The following RPS6KA2 variants were observed in gnomAD, a reference collection of about 807,000 sequenced individuals.
RPS6KA2 encodes the protein ribosomal protein S6 kinase alpha-2.
A neutral mutation model predicts 91.8 loss-of-function variants in RPS6KA2; 42 were observed. That is an observed-to-expected ratio of 0.46 (90% CI 0.36 to 0.59). The LOEUF is 0.59. Ranked by LOEUF, RPS6KA2 falls within the 20% of genes least tolerant of loss-of-function variation. The pLI, the probability that RPS6KA2 is intolerant of heterozygous loss-of-function variation, is 0.00. For missense variants in RPS6KA2, 798 were observed against 978.5 expected, an observed-to-expected ratio of 0.82 and a Z score of 2.46; for synonymous variants, 414 against 393.6, an observed-to-expected ratio of 1.05 and a Z score of -0.61.
At chr6:166,586,958 G>A (rs1785195366) in intron 1 of RPS6KA2, among the ~76,000 whole-genome samples, 1 of 152,170 alleles carries the variant, frequency 6.6e-6, no homozygotes, top group Non-Finnish European at 1.5e-5. Flanking sequence ...GACTAGCCCT[G>A]GCCAATGGAG....
At chr6:166,752,004 C>T (rs1225651334) in intron 2 of RPS6KA2, among the ~76,000 whole-genome samples, 2 of 152,200 alleles carry the variant, frequency 1.3e-5, no homozygotes, top group African/African-American at 2.4e-5. Flanking sequence ...CCCCAGAAGA[C>T]AAAGGGGCCA....
At chr6:166,416,984 T>C (rs1778553968) in intron 19 of RPS6KA2, among the ~76,000 whole-genome samples, 1 of 152,228 alleles carries the variant, frequency 6.6e-6, no homozygotes, top group South Asian at 2.1e-4. Flanking sequence ...TCAGAGCCCC[T>C]GACTCCTTCT....
At chr6:166,622,220 AAAC>A (rs1351153192) in intron 1 of RPS6KA2, among the ~76,000 whole-genome samples, 1 of 152,230 alleles carries the variant, frequency 6.6e-6, no homozygotes, top group Non-Finnish European at 1.5e-5. Context: ...TCGTTTAAAA[AAAC>A]AACAACACTA....
chr6:166,459,456 C>T lies in RPS6KA2; in HGVS notation c.1068G>A (p.Thr356=), dbSNP rs376127612. 2.7e-4 allele frequency: 428 copies of T among 1,612,156 alleles called. No individual in the cohort carries two copies. Among genetic ancestry groups the T allele is most frequent in the Non-Finnish European group, 3.4e-4 (405 of 1,178,490 alleles). The part of the protein sequence containing the change: ...FHFDPEFTAR[T]PTDSPGVPPS... The stretch of plus-strand genomic sequence containing the variant: ...AACCACTGTGGCACACACCTGTGGG[C>T]GTCCGCGCTGTGAACTCGGGGTCAA... The change falls in exon 12 of 21, where the codon ACG becomes ACA. Residue 356 remains threonine, a synonymous_variant. Transcript: ENST00000265678. This position sits in a 1 kb window ranked among gnomAD's most constrained non-coding sequence, Gnocchi z 4.9.
intron 1 of RPS6KA2, among the ~76,000 whole-genome samples, chr6:166,589,874 G>A (rs187219403): frequency 6.6e-6 from 1 of 152,316 alleles, no homozygotes; most frequent in African/African-American, 2.4e-5. Context: ...ACAGAATGGA[G>A]AGAGACTTGG....
chr6:166,678,750 G>T (rs184812595), intron 2 of RPS6KA2, among the ~76,000 whole-genome samples: 2 of 152,340 alleles, frequency 1.3e-5, no homozygotes, highest in Admixed American at 1.3e-4. Context: ...GACAAAGAAA[G>T]GGGGCTCAAA....
intron 6 of RPS6KA2, 151 bp downstream of exon 6, chr6:166,504,355 C>T (rs1021444334): frequency 1.8e-5 from 10 of 544,570 alleles, no homozygotes; most frequent in South Asian, 2.5e-5. Context: ...ATGCCTGAGC[C>T]GGTCCTGCCG....
intron 11 of RPS6KA2, among the ~76,000 whole-genome samples, chr6:166,468,878 AC>A (rs1230693201): frequency 2.6e-5 from 4 of 151,458 alleles, no homozygotes; most frequent in African/African-American, 9.7e-5. Flanking sequence ...AAAAAAGAAG[AC>A]AGAGAGGAAA....
At chr6:166,769,313 C>T (rs565364318) in intron 2 of RPS6KA2, among the ~76,000 whole-genome samples, 4 of 152,320 alleles carry the variant, frequency 2.6e-5, no homozygotes, top group South Asian at 4.1e-4. Flanking sequence ...GATAAAGCCA[C>T]GTCAAGTTTC....
At chr6:166,537,580 A>G (rs1783521514) in intron 2 of RPS6KA2, among the ~76,000 whole-genome samples, 1 of 151,838 alleles carries the variant, frequency 6.6e-6, no homozygotes, top group Admixed American at 6.6e-5. Context: ...AGGATTATCC[A>G]GAACACCGAT....
At chr6:166,482,811 G>A (rs1343987348) in intron 10 of RPS6KA2, among the ~76,000 whole-genome samples, 1 of 152,216 alleles carries the variant, frequency 6.6e-6, no homozygotes, top group Non-Finnish European at 1.5e-5. Flanking sequence ...GGAGAGGAAG[G>A]AGGAGAGAGG....
chr6:166,562,341 C>T (rs1020084471), intron 1 of RPS6KA2, among the ~76,000 whole-genome samples: 25 of 152,092 alleles, frequency 1.6e-4, no homozygotes, highest in African/African-American at 5.8e-4. Context: ...CAGACACTAC[C>T]TATTATTTAT....
Position 166,738,823 on chromosome 6 carries a change from G to T in RPS6KA2, c.123+119377C>A, listed in dbSNP as rs117081620. On this transcript the variant is annotated intron_variant, in intron 2 of 21. Transcript: ENST00000503859. ...ATGCTTGAGTCCAGCAATGGAATCTGCCACTAAGAAAATTTCCAGAGACAT... is the reference window on the plus strand; with the variant it reads ...ATGCTTGAGTCCAGCAATGGAATCTTCCACTAAGAAAATTTCCAGAGACAT... 1.4e-3 allele frequency among the ~76,000 whole-genome samples: 219 copies of T among 152,294 alleles called. 2 individuals are homozygous for T. Among genetic ancestry groups the T allele is most frequent in the Admixed American group, 2.0e-3 (30 of 15,300 alleles).
intron 3 of RPS6KA2, among the ~76,000 whole-genome samples, chr6:166,516,405 C>A (rs2128485316): frequency 6.6e-6 from 1 of 152,250 alleles, no homozygotes; most frequent in South Asian, 2.1e-4. Context: ...CGAATGCAGG[C>A]AGGCTCTGCA....
chr6:166,815,788 GTT>G (rs1351668879), intron 2 of RPS6KA2, among the ~76,000 whole-genome samples: 1 of 152,166 alleles, frequency 6.6e-6, no homozygotes, highest in African/African-American at 2.4e-5. Context: ...GAACACAAAA[GTT>G]TTGAGCCCTG....
chr6:166,715,895 G>A (rs1408452349), intron 2 of RPS6KA2, among the ~76,000 whole-genome samples: 1 of 151,962 alleles, frequency 6.6e-6, no homozygotes, highest in African/African-American at 2.4e-5. Flanking sequence ...AAAATTAGCT[G>A]GGCATGGAGA....
intron 15 of RPS6KA2, among the ~76,000 whole-genome samples, chr6:166,431,811 TCAC>T (rs1779140802): frequency 6.6e-6 from 1 of 152,018 alleles, no homozygotes; most frequent in South Asian, 2.1e-4. Context: ...AGATGGGGTT[TCAC>T]CATGTTGACC....
intron 2 of RPS6KA2, among the ~76,000 whole-genome samples, chr6:166,785,824 T>C (rs1162267448): frequency 6.6e-6 from 1 of 152,256 alleles, no homozygotes; most frequent in Non-Finnish European, 1.5e-5. Flanking sequence ...CATTCAAATA[T>C]GTTTTTAGGA....
chr6:166,782,200 G>A (rs1269666202), intron 2 of RPS6KA2, among the ~76,000 whole-genome samples: 1 of 152,214 alleles, frequency 6.6e-6, no homozygotes, highest in African/African-American at 2.4e-5. Context: ...ACTGAGGCAC[G>A]AGAATTGCTT....
Sources: gnomAD v4.1 joint callset for allele counts (sites outside exome capture counted in the v4.1 genomes callset) on GRCh38, gnomAD v4.1.1 for gene constraint, Gnocchi (gnomAD v3.1) non-coding constraint, MANE v1.5 for transcripts, NCBI Gene and HGNC (gene_info 2026-07-23, HGNC 2026-07-21) for gene names.